Variants in NIN observed in about 807,000 individuals in gnomAD.
The protein encoded by NIN is ninein.
In NIN, 137 loss-of-function variants were observed where a neutral mutation model predicts 257.6. That is an observed-to-expected ratio of 0.53 (90% CI 0.46 to 0.61). The LOEUF is 0.61. NIN is among the 20% of genes least tolerant of loss of function. The pLI, the probability that NIN is intolerant of heterozygous loss-of-function variation, is 0.00. For missense variants in NIN, 2,439 were observed against 2,501.2 expected, an observed-to-expected ratio of 0.98 and a Z score of 0.53; for synonymous variants, 918 against 919.8, an observed-to-expected ratio of 1.00 and a Z score of 0.04.
At chr14:50,810,005 G>T (rs1481656090) in intron 3 of NIN, among the ~76,000 whole-genome samples, 1 of 152,130 alleles carries the variant, frequency 6.6e-6, no homozygotes, top group African/African-American at 2.4e-5. Flanking sequence ...GCCAAGGCGG[G>T]TGGATCACGA....
rs1421757827 is a variant in NIN, at chr14:50,723,614, T to C, written c.6251A>G (p.Gln2084Arg). 1.2e-6 allele frequency: 2 copies of C among 1,613,828 alleles called. No individual in the cohort carries two copies. Among genetic ancestry groups the C allele is most frequent in the African/African-American group, 2.7e-5 (2 of 74,930 alleles). Residue 2084 changes from glutamine to arginine, a missense_variant, in exon 31 of 31, where the codon CAG becomes CGG. By Grantham distance (43) the Gln-to-Arg change is conservative. Coordinates refer to ENST00000530997, the MANE Select transcript of NIN (RefSeq NM_020921.4). ...MVKDLYVENAQLLKALEVTEQ... is the reference protein window; with the variant it reads ...MVKDLYVENARLLKALEVTEQ... Reference sequence around the variant, plus strand: ...AGTCACTTCCAGAGCTTTCAACAACTGGGCATTTTCAACATACAAGTCCTT... The same window carrying C: ...AGTCACTTCCAGAGCTTTCAACAACCGGGCATTTTCAACATACAAGTCCTT...
chr14:50,758,104 G>T lies in NIN; in HGVS notation c.2926C>A (p.His976Asn), dbSNP rs759581251. The change falls in exon 18 of 31, where the codon CAT becomes AAT. Residue 976 changes from histidine (H) to asparagine (N), a missense_variant. By Grantham distance (68) the His-to-Asn change is moderately conservative (BLOSUM62 1). Coordinates refer to ENST00000530997, the MANE Select transcript of NIN (RefSeq NM_020921.4). ...SQRLERLEMEHDQERQEMMSK... is the reference protein window; with the variant it reads ...SQRLERLEMENDQERQEMMSK... ...ATCATTTCCTGCCTTTCCTGGTCAT[G>T]TTCCATTTCTAGTCTTTCCAGCCGC... 13 of 1,614,192 alleles carry T rather than the reference G, an allele frequency of 8.1e-6. No homozygotes were observed. The highest frequency in any genetic ancestry group is 1.0e-5 in the Non-Finnish European group (12 of 1,180,036).
At chr14:50,748,400 G>A (rs1339645329) in intron 21 of NIN, among the ~76,000 whole-genome samples, 1 of 152,166 alleles carries the variant, frequency 6.6e-6, no homozygotes, top group South Asian at 2.1e-4. Flanking sequence ...CATTCCCTTT[G>A]AAAACTGGCA....
intron 28 of NIN, among the ~76,000 whole-genome samples, chr14:50,734,194 G>A (rs1289458472): frequency 6.6e-6 from 1 of 151,112 alleles, no homozygotes; most frequent in Non-Finnish European, 1.5e-5. Flanking sequence ...GGTTCAAGCA[G>A]TTCTCCTGCC....
rs114520815 is a variant in NIN at position 50,783,926 on chromosome 14, G to A, written c.436-5122C>T. Among the ~76,000 whole-genome samples the A allele has an allele frequency of 3.5e-3, 525 of 151,176 alleles. 2 individuals are homozygous for A. Among genetic ancestry groups the A allele is most frequent in the African/African-American group, 0.012 (484 of 40,526 alleles). On this transcript the variant is annotated intron_variant, in intron 5 of 30. Transcript: ENST00000530997. ...GATCTGCCATGAGCACTAGAAGGAC[G>A]ATTATCACAAAAATCTTTGGAAAAG...
intron 2 of NIN, among the ~76,000 whole-genome samples, chr14:50,827,689 A>C (rs12879180): frequency 2.0e-5 from 3 of 148,026 alleles, no homozygotes; most frequent in Non-Finnish European, 4.5e-5. Context: ...CCTGGGAGGC[A>C]GAGGTTGCAG....
intron 3 of NIN, among the ~76,000 whole-genome samples, chr14:50,821,442 T>C (rs1029916964): frequency 6.6e-6 from 1 of 152,350 alleles, no homozygotes; most frequent in African/African-American, 2.4e-5. Context: ...GAAAGTTTAA[T>C]TAATACTTCA....
intron 24 of NIN, chr14:50,741,931 G>C (rs1347687800): frequency 2.0e-6 from 1 of 506,002 alleles, no homozygotes; most frequent in Admixed American, 3.4e-5. Flanking sequence ...GGACAATGAT[G>C]AACTATGTCT....
At chr14:50,729,873 G>C (rs1022000018) in intron 28 of NIN, 150 bp from the exon 29 acceptor site, 1 of 550,618 alleles carries the variant, frequency 1.8e-6, no homozygotes, top group Non-Finnish European at 3.1e-6. Flanking sequence ...ATATGGGCCC[G>C]AGGAATACAG....
chr14:50,777,730 A>T (rs2042977174), intron 6 of NIN, among the ~76,000 whole-genome samples: 1 of 152,192 alleles, frequency 6.6e-6, no homozygotes, highest in Admixed American at 6.5e-5. Context: ...AGTTATCTAT[A>T]CATTAAATTT....
intron 4 of NIN, among the ~76,000 whole-genome samples, chr14:50,793,156 T>A (rs188057401): frequency 4.3e-4 from 66 of 152,224 alleles, no homozygotes; most frequent in Admixed American, 1.7e-3. Context: ...TGCAGAGGAT[T>A]AAGGTCAGGA....
intron 2 of NIN, among the ~76,000 whole-genome samples, chr14:50,824,776 G>A (rs1566886759): frequency 6.6e-6 from 1 of 152,076 alleles, no homozygotes; most frequent in Non-Finnish European, 1.5e-5. Context: ...CTACAGAAAT[G>A]GGCATATGAA....
At chr14:50,754,662 T>C in intron 19 of NIN, 30 bp from the exon 20 acceptor site, 5 of 1,595,254 alleles carry the variant, frequency 3.1e-6, no homozygotes, top group Non-Finnish European at 4.3e-6. Flanking sequence ...TAAAATTTAA[T>C]GGTTAGGCTT....
Position 50,723,620 on chromosome 14 carries a change from T to C in NIN, c.6245A>G (p.Asn2082Ser). The change falls in exon 31 of 31, where the codon AAT (asparagine) becomes AGT (serine). Residue 2082 changes from asparagine (N) to serine (S), a missense_variant. Physicochemically the swap from Asn to Ser is conservative, Grantham distance 46. Transcript: ENST00000530997. Reference sequence around the variant, plus strand: ...TTCCAGAGCTTTCAACAACTGGGCATTTTCAACATACAAGTCCTTCACCAT... The same window carrying C: ...TTCCAGAGCTTTCAACAACTGGGCACTTTCAACATACAAGTCCTTCACCAT... ...DAMVKDLYVE[N>S]AQLLKALEVT... 8 of 1,613,954 alleles carry C rather than the reference T, an allele frequency of 5.0e-6. No homozygotes were observed. Among genetic ancestry groups the C allele is most frequent in the Non-Finnish European group, 6.8e-6 (8 of 1,179,846 alleles).
intron 3 of NIN, among the ~76,000 whole-genome samples, chr14:50,821,340 G>A (rs1172369155): frequency 6.6e-6 from 1 of 152,180 alleles, no homozygotes; most frequent in African/African-American, 2.4e-5. Flanking sequence ...ACATTGGCGT[G>A]CACACACACA....
chr14:50,810,087 T>G (rs1340969835), intron 3 of NIN, among the ~76,000 whole-genome samples: 1 of 151,850 alleles, frequency 6.6e-6, no homozygotes, highest in Non-Finnish European at 1.5e-5. Context: ...AAAAATTAGC[T>G]GGGCGTGGTG....
At position 50,739,455 on chromosome 14, in the gene NIN, TGATG is replaced by T; in HGVS notation, c.5477_5480del (p.Pro1826GlnfsTer18). The T allele has an allele frequency of 1.2e-6, 2 of 1,614,224 alleles. No individual in the cohort carries two copies. The highest frequency in any genetic ancestry group is 1.7e-6 in the Non-Finnish European group (2 of 1,180,038). On this transcript the variant is annotated frameshift_variant, in exon 26 of 31. Coordinates refer to ENST00000530997, the MANE Select transcript of NIN (RefSeq NM_020921.4). LOFTEE classifies it high-confidence loss of function. ...GCCTTTTCTGCTGGTTATGGAGCCC[TGATG>T]GATGAGTAGCTATCTCTGGGGCCCA... is the stretch of plus-strand genomic sequence containing the variant.
At chr14:50,766,740 G>A (rs777646708) in intron 13 of NIN, 40 bp downstream of exon 13, 1 of 1,381,410 alleles carries the variant, frequency 7.2e-7, no homozygotes, top group African/African-American at 1.4e-5. Flanking sequence ...ACTACATAAA[G>A]TAGGCTGCCT....
chr14:50,812,451 A>G (rs2142299022), intron 3 of NIN, among the ~76,000 whole-genome samples: 2 of 152,312 alleles, frequency 1.3e-5, no homozygotes, highest in Admixed American at 1.3e-4. Flanking sequence ...AGCACACACC[A>G]AGTATAAGGC....
Sources: gnomAD v4.1 joint callset for allele counts (sites outside exome capture counted in the v4.1 genomes callset) on GRCh38, gnomAD v4.1.1 for gene constraint, MANE v1.5 for transcripts, NCBI Gene and HGNC (gene_info 2026-07-23, HGNC 2026-07-21) for gene names.